Variants in ITM2B observed in about 807,000 individuals in gnomAD.
ITM2B encodes integral membrane protein 2B.
ITM2B carries 11 observed loss-of-function variants against 27.8 expected under a neutral mutation model. That is an observed-to-expected ratio of 0.40 (90% CI 0.25 to 0.66). The LOEUF (loss-of-function observed/expected upper bound fraction) is 0.66. ITM2B is among the 30% of genes least tolerant of loss of function. The probability of loss-of-function intolerance (pLI) is 0.43; values close to 1 mark genes in which losing one functional copy is unlikely to be tolerated. For missense variants in ITM2B, 296 were observed against 328.9 expected (o/e 0.90, Z 0.77); for synonymous variants, 114 against 114.3 (o/e 1.00, Z 0.02).
chr13:48,243,251 C>G (rs1951709402), intron 1 of ITM2B, among the ~76,000 whole-genome samples: 1 of 152,192 alleles, frequency 6.6e-6, no homozygotes, highest in African/African-American at 2.4e-5. Flanking sequence ...CTCCAACTAA[C>G]TTAAAAAAGT....
chr13:48,247,674 T>C (rs1416340183), intron 1 of ITM2B, among the ~76,000 whole-genome samples: 1 of 152,238 alleles, frequency 6.6e-6, no homozygotes, highest in African/African-American at 2.4e-5. Context: ...TCTTAACTAA[T>C]TGAAGTACCA....
At position 48,234,722 on chromosome 13, in the gene ITM2B, A is replaced by T. The variant is rs548852477; in HGVS notation, c.117+1245A>T. On this transcript the variant is annotated intron_variant, in intron 1 of 5. Transcript: ENST00000647800. ...TCTGGAAATGTTCTGATAAAAACAG[A>T]CACGTCAGAGGTTGATTTCTAAATG... is the stretch of plus-strand genomic sequence containing the variant. Among the ~76,000 whole-genome samples, 79 of 152,344 alleles carry T rather than the reference A, an allele frequency of 5.2e-4. 1 individual carries two copies. Among genetic ancestry groups the T allele is most frequent in the Non-Finnish European group, 1.1e-3 (72 of 68,028 alleles).
intron 1 of ITM2B, among the ~76,000 whole-genome samples, chr13:48,251,251 A>G (rs1393023747): frequency 1.3e-5 from 2 of 152,210 alleles, no homozygotes; most frequent in South Asian, 2.1e-4. Context: ...AATCATTGCC[A>G]TATATAAAAT....
At chr13:48,235,159 G>C (rs1951660456) in intron 1 of ITM2B, among the ~76,000 whole-genome samples, 1 of 152,112 alleles carries the variant, frequency 6.6e-6, no homozygotes, top group Non-Finnish European at 1.5e-5. Context: ...TTGAAACTCT[G>C]GACAAACATC....
intron 3 of ITM2B, 137 bp downstream of exon 3, chr13:48,256,520 C>A: frequency 1.4e-6 from 1 of 730,912 alleles, no homozygotes; most frequent in Non-Finnish European, 2.3e-6. Context: ...GTGGGCTCTG[C>A]TATGTCTGAA....
chr13:48,255,260 C>CGT (rs1480394163), intron 2 of ITM2B, among the ~76,000 whole-genome samples: 1 of 151,098 alleles, frequency 6.6e-6, no homozygotes, highest in Admixed American at 6.6e-5. Flanking sequence ...TGTGTGCGCG[C>CGT]GCGTGTGCGT....
intron 1 of ITM2B, among the ~76,000 whole-genome samples, chr13:48,252,516 ATCT>A (rs890073780): frequency 3.2e-4 from 48 of 152,120 alleles, no homozygotes; most frequent in African/African-American, 1.1e-3. Context: ...ATGCCTGGTG[ATCT>A]TCTGAGGTGG....
At chr13:48,244,900 A>G (rs1951716534) in intron 1 of ITM2B, among the ~76,000 whole-genome samples, 1 of 152,226 alleles carries the variant, frequency 6.6e-6, no homozygotes, top group Non-Finnish European at 1.5e-5. Context: ...ATTATTAACA[A>G]TAAATAACAT....
At chr13:48,254,369 G>A (rs990856515) in intron 2 of ITM2B, among the ~76,000 whole-genome samples, 12 of 152,188 alleles carry the variant, frequency 7.9e-5, no homozygotes, top group Non-Finnish European at 1.5e-4. Flanking sequence ...AATACAGTAA[G>A]ACCATGTCTC....
At chr13:48,250,168 A>G (rs913650052) in intron 1 of ITM2B, among the ~76,000 whole-genome samples, 3 of 152,226 alleles carry the variant, frequency 2.0e-5, no homozygotes, top group Non-Finnish European at 4.4e-5. Context: ...AGCCTTACTT[A>G]ATAAATGCTG....
chr13:48,241,701 C>T (rs547791905), intron 1 of ITM2B, among the ~76,000 whole-genome samples: 1 of 152,318 alleles, frequency 6.6e-6, no homozygotes, highest in South Asian at 2.1e-4. Flanking sequence ...TTACATTCGG[C>T]AGTGCCCTTT....
chr13:48,255,221 AGTGTGTGTAGT>A (rs948530689), intron 2 of ITM2B, among the ~76,000 whole-genome samples: 16 of 129,288 alleles, frequency 1.2e-4, no homozygotes, highest in African/African-American at 4.3e-4. Context: ...TTGTGTGTGT[AGTGTGTGTAGT>A]GTGTGTGTGT....
intron 5 of ITM2B, among the ~76,000 whole-genome samples, 163 bp from the exon 6 acceptor site, chr13:48,260,976 G>A (rs756193864): frequency 3.9e-5 from 6 of 152,088 alleles, no homozygotes; most frequent in Non-Finnish European, 8.8e-5. Flanking sequence ...TCAGAAAAGG[G>A]AGAAAAATTA....
chr13:48,236,734 A>G (rs1406219635), intron 1 of ITM2B, among the ~76,000 whole-genome samples: 1 of 152,226 alleles, frequency 6.6e-6, no homozygotes, highest in Non-Finnish European at 1.5e-5. Context: ...CACAGTGAAC[A>G]GTGAAGTTGT....
At chr13:48,238,905 G>A (rs934983306) in intron 1 of ITM2B, among the ~76,000 whole-genome samples, 6 of 152,126 alleles carry the variant, frequency 3.9e-5, no homozygotes, top group African/African-American at 1.4e-4. Flanking sequence ...CAGTCAAGAT[G>A]CAAATTATTT....
At chr13:48,239,698 A>G (rs192304674) in intron 1 of ITM2B, among the ~76,000 whole-genome samples, 18 of 152,278 alleles carry the variant, frequency 1.2e-4, no homozygotes, top group East Asian at 1.9e-4. Flanking sequence ...GGATCCTCCA[A>G]TTTTCCAAGG....
chr13:48,253,367 G>GC (rs1951765414), intron 1 of ITM2B, among the ~76,000 whole-genome samples: 1 of 152,102 alleles, frequency 6.6e-6, no homozygotes, highest in Non-Finnish European at 1.5e-5. Context: ...CCTGTAGCAG[G>GC]CCTAACACAT....
chr13:48,242,413 T>TTTC lies in ITM2B; in HGVS notation c.117+8938_117+8939insCTT, dbSNP rs1566159074. Among the ~76,000 whole-genome samples, 8 of 152,004 alleles carry TTTC rather than the reference T, an allele frequency of 5.3e-5. No individual in the cohort carries two copies. The East Asian group carries it at 1.4e-3, about 26-fold the overall frequency. On this transcript the variant is annotated intron_variant, in intron 1 of 5. Transcript: ENST00000647800. Reference sequence around the variant, plus strand: ...AGTTTCTTTCTTTCTTTCTTTCTTTTTTTTTTGATGATTTCTTGCCCATCA... The same window carrying TTTC: ...AGTTTCTTTCTTTCTTTCTTTCTTTTTTCTTTTTTGATGATTTCTTGCCCATCA...
intron 5 of ITM2B, among the ~76,000 whole-genome samples, chr13:48,260,215 A>G (rs1398856376): frequency 2.6e-5 from 4 of 152,172 alleles, no homozygotes; most frequent in Non-Finnish European, 5.9e-5. Flanking sequence ...TCCATGGTGC[A>G]TATGTGCCAC....
Sources: allele counts gnomAD v4.1 joint callset (sites outside exome capture counted in the v4.1 genomes callset), GRCh38; gene constraint gnomAD v4.1.1; transcripts MANE v1.5; gene names NCBI Gene and HGNC (gene_info 2026-07-23, HGNC 2026-07-21).